Variants in RYR3 observed in about 807,000 individuals in gnomAD.
RYR3 encodes the protein brain ryanodine receptor-calcium release channel.
RYR3 carries 207 observed loss-of-function variants against 584.3 expected under a neutral mutation model. The observed-to-expected ratio is 0.35, with a 90% CI of 0.32 to 0.40. The LOEUF (loss-of-function observed/expected upper bound fraction) is 0.40, where lower values mean the gene tolerates loss of function less well. Among genes scored for constraint, RYR3 ranks in the 10% least tolerant of loss-of-function variants. The pLI is 1.00. For missense variants in RYR3, 5,616 were observed against 6,089.2 expected, an observed-to-expected ratio of 0.92 and a Z score of 2.59; for synonymous variants, 2,416 against 2,248.5, an observed-to-expected ratio of 1.07 and a Z score of -2.11.
chr15:33,836,602 C>T lies in RYR3; in HGVS notation c.11569-304C>T, dbSNP rs1035578193. Among the ~76,000 whole-genome samples, 7 of 152,148 alleles carry T rather than the reference C, an allele frequency of 4.6e-5. No individual in the cohort carries two copies. The East Asian group carries it at 1.3e-3, about 29-fold the overall frequency. On this transcript the variant is annotated intron_variant, in intron 87 of 103. Transcript: ENST00000634891. ...TGACAACGTAAACTACTAGAGATAC[C>T]TGAAGGCTCTTTGGTGCATTGGGTT...
intron 43 of RYR3, among the ~76,000 whole-genome samples, chr15:33,715,283 GACT>G (rs1361981889): frequency 2.0e-5 from 3 of 152,190 alleles, no homozygotes; most frequent in African/African-American, 7.2e-5. Flanking sequence ...ATTGGTACTA[GACT>G]AGGCATGGTT....
rs2068462633 is a variant in RYR3, at chr15:33,726,412, C to T, written c.6939C>T (p.Ala2313=). The change falls in exon 46 of 104, where the codon GCC becomes GCT. Residue 2313 remains alanine, a synonymous_variant. Transcript: ENST00000634891. The stretch of plus-strand genomic sequence containing the variant: ...TCATCCAGACAGGAAAGGGGGAAGC[C>T]ATCCGCATCAGGTCCATCCTGCGCT... ...MHLIQTGKGE[A]IRIRSILRSL... is the part of the protein sequence containing the mutation. The T allele has an allele frequency of 6.2e-7, 1 of 1,613,024 alleles. No homozygotes were observed. The highest frequency in any genetic ancestry group is 2.2e-5 in the East Asian group (1 of 44,848).
chr15:33,861,002 C>G (rs184235909), intron 101 of RYR3, 76 bp from the exon 102 acceptor site: 3 of 1,135,522 alleles, frequency 2.6e-6, no homozygotes, highest in East Asian at 5.2e-5. Context: ...TCCTTCAATT[C>G]GATAGAATCA....
intron 36 of RYR3, among the ~76,000 whole-genome samples, chr15:33,667,131 T>A (rs1389221926): frequency 1.3e-5 from 2 of 152,234 alleles, no homozygotes; most frequent in African/African-American, 4.8e-5. Flanking sequence ...TGCAGTAAGA[T>A]CTTTGTGTAG....
chr15:33,864,082 GC>G, intron 102 of RYR3, 55 bp from the exon 103 acceptor site: 2 of 1,303,518 alleles, frequency 1.5e-6, no homozygotes, highest in Non-Finnish European at 2.2e-6. Flanking sequence ...GTTAATCCAT[GC>G]GAATGAACTT....
At chr15:33,432,601 C>T (rs1307074072) in intron 1 of RYR3, among the ~76,000 whole-genome samples, 8 of 138,680 alleles carry the variant, frequency 5.8e-5, no homozygotes, top group South Asian at 4.6e-4. Context: ...TTCTTTTTTT[C>T]TTTCTTTTTT....
At chr15:33,654,010 C>G (rs2062665134) in intron 32 of RYR3, among the ~76,000 whole-genome samples, 1 of 151,908 alleles carries the variant, frequency 6.6e-6, no homozygotes, top group African/African-American at 2.4e-5. Context: ...TTCTATGAAC[C>G]TAGAGTTCCA....
chr15:33,448,938 G>A (rs2046890970), intron 1 of RYR3, among the ~76,000 whole-genome samples: 1 of 152,146 alleles, frequency 6.6e-6, no homozygotes, highest in Non-Finnish European at 1.5e-5. Context: ...CACAGGTTTA[G>A]AAAGGGAAGT....
At chr15:33,566,415 T>C (rs549882950) in intron 11 of RYR3, among the ~76,000 whole-genome samples, 5 of 152,326 alleles carry the variant, frequency 3.3e-5, no homozygotes, top group African/African-American at 9.6e-5. Flanking sequence ...AATCTAGGCC[T>C]GAGGAATATG....
chr15:33,496,817 C>G (rs779195831), intron 2 of RYR3, among the ~76,000 whole-genome samples: 3 of 152,082 alleles, frequency 2.0e-5, no homozygotes, highest in Non-Finnish European at 4.4e-5. Flanking sequence ...TGGGAAAGTT[C>G]CTGCACAACT....
chr15:33,482,915 A>T (rs1054315004), intron 2 of RYR3, among the ~76,000 whole-genome samples: 1 of 152,160 alleles, frequency 6.6e-6, no homozygotes, highest in Non-Finnish European at 1.5e-5. Context: ...CTTATATGTT[A>T]GATTGTTTTA....
At chr15:33,480,028 G>T (rs1319133094) in intron 2 of RYR3, among the ~76,000 whole-genome samples, 2 of 152,154 alleles carry the variant, frequency 1.3e-5, no homozygotes, top group Non-Finnish European at 2.9e-5. Flanking sequence ...ATTATTATGT[G>T]CCTCTATATT....
chr15:33,473,231 TCACGGTAG>T, intron 1 of RYR3, 180 bp from the exon 2 acceptor site: 1 of 752,970 alleles, frequency 1.3e-6, no homozygotes, highest in Non-Finnish European at 2.4e-6. Flanking sequence ...GAGTTCTGAC[TCACGGTAG>T]ATGCTCCGTG....
At chr15:33,603,755 C>T (rs531373021) in intron 18 of RYR3, among the ~76,000 whole-genome samples, 3 of 152,250 alleles carry the variant, frequency 2.0e-5, no homozygotes, top group East Asian at 1.9e-4. Flanking sequence ...ATGTGACAAA[C>T]GTGTAAACAG....
intron 38 of RYR3, among the ~76,000 whole-genome samples, chr15:33,694,093 C>A (rs939432): frequency 0.58 from 87,904 of 151,926 alleles, 28,250 homozygotes; most frequent in South Asian, 0.74. Context: ...CCCTAGTTTT[C>A]TGGCAGGCTT....
chr15:33,718,217 G>A (rs1251407604), intron 43 of RYR3, among the ~76,000 whole-genome samples: 1 of 152,170 alleles, frequency 6.6e-6, no homozygotes, highest in Admixed American at 6.5e-5. Context: ...TGAAATCTGA[G>A]GTAGTAGATG....
intron 1 of RYR3, chr15:33,467,523 A>G: frequency 1.0e-6 from 1 of 976,354 alleles, no homozygotes; most frequent in Non-Finnish European, 1.2e-6. Flanking sequence ...TAAAATAGGC[A>G]AGATCCATTC....
chr15:33,372,274 C>A (rs1279546469), intron 1 of RYR3, among the ~76,000 whole-genome samples: 1 of 152,122 alleles, frequency 6.6e-6, no homozygotes, highest in African/African-American at 2.4e-5. Flanking sequence ...TAACTGCAAC[C>A]TCCGTCTCCC....
At chr15:33,829,537 A>G (rs2077553884) in intron 85 of RYR3, among the ~76,000 whole-genome samples, 1 of 152,116 alleles carries the variant, frequency 6.6e-6, no homozygotes, top group African/African-American at 2.4e-5. Flanking sequence ...TCACAAGGTC[A>G]GGAGATCGAG....
Sources: allele counts gnomAD v4.1 joint callset (sites outside exome capture counted in the v4.1 genomes callset), GRCh38; gene constraint gnomAD v4.1.1; transcripts MANE v1.5; gene names NCBI Gene and HGNC (gene_info 2026-07-23, HGNC 2026-07-21).